Variants in YAP1 observed in about 807,000 individuals in gnomAD.
YAP1 encodes transcriptional coactivator YAP1.
A neutral mutation model predicts 56.9 loss-of-function variants in YAP1; 5 were observed. The ratio of observed to expected loss-of-function variants is 0.09; its 90% CI spans 0.05 to 0.18. The LOEUF is 0.18. Ranked by LOEUF, YAP1 falls within the 10% of genes least tolerant of loss-of-function variation. The pLI is 1.00. For synonymous variants in YAP1, 265 were observed against 248.1 expected, an observed-to-expected ratio of 1.07 and a Z score of -0.64; for missense variants, 539 against 651.8, an observed-to-expected ratio of 0.83 and a Z score of 1.88.
rs1001443448 is a variant in YAP1 at position 102,230,053 on chromosome 11, A to G, written c.*113A>G. 5.8e-6 allele frequency: 5 copies of G among 856,464 alleles called. No individual in the cohort carries two copies. Among genetic ancestry groups the G allele is most frequent in the African/African-American group, 3.4e-5 (2 of 59,138 alleles). 53.1% of individuals were successfully genotyped at this position (856,464 alleles called of 1,614,324 possible). ...AGGCTAATACAGAAAAAGATGAACAAACGTCCAGCAAGATACTTTAATCCT... is the reference window on the plus strand; with the variant it reads ...AGGCTAATACAGAAAAAGATGAACAGACGTCCAGCAAGATACTTTAATCCT... On this transcript the variant is annotated 3_prime_UTR_variant, in exon 9 of 9. Transcript: ENST00000282441.
chr11:102,165,157 G>C (rs1028787096), intron 3 of YAP1, among the ~76,000 whole-genome samples: 6 of 151,654 alleles, frequency 4.0e-5, no homozygotes, highest in Non-Finnish European at 7.4e-5. Context: ...CCAGGAGTTT[G>C]AGACCCGCCT....
intron 4 of YAP1, among the ~76,000 whole-genome samples, chr11:102,186,868 T>A (rs533550001): frequency 7.7e-6 from 1 of 130,716 alleles, no homozygotes; most frequent in Non-Finnish European, 1.7e-5. Flanking sequence ...TTTCAGTTTT[T>A]CATTTGGGTT....
chr11:102,183,278 T>G (rs1490252951), intron 3 of YAP1, among the ~76,000 whole-genome samples: 1 of 152,148 alleles, frequency 6.6e-6, no homozygotes, highest in Non-Finnish European at 1.5e-5. Context: ...GATGGCATGA[T>G]TTTATGGAAA....
intron 3 of YAP1, among the ~76,000 whole-genome samples, chr11:102,176,899 G>A (rs1175285367): frequency 6.6e-6 from 1 of 152,020 alleles, no homozygotes; most frequent in Non-Finnish European, 1.5e-5. Context: ...AAAGACAGGA[G>A]TGAACAAGCC....
chr11:102,162,596 C>T (rs1946355478), intron 3 of YAP1, 25 bp downstream of exon 3: 1 of 1,599,192 alleles, frequency 6.3e-7, no homozygotes, highest in African/African-American at 1.3e-5. Context: ...GTAATTACAG[C>T]ACATGGAGTA....
intron 3 of YAP1, among the ~76,000 whole-genome samples, chr11:102,179,532 T>C (rs1178590425): frequency 6.6e-6 from 1 of 152,182 alleles, no homozygotes; most frequent in Non-Finnish European, 1.5e-5. Flanking sequence ...TAGCAGCCTC[T>C]TCATGCTTGC....
chr11:102,177,548 G>A (rs1041793844), intron 3 of YAP1, among the ~76,000 whole-genome samples: 2 of 151,862 alleles, frequency 1.3e-5, no homozygotes, highest in Non-Finnish European at 2.9e-5. Context: ...GTGGTGGTGA[G>A]GGCCTGTAAT....
chr11:102,128,420 C>T (rs1365606745), intron 2 of YAP1, among the ~76,000 whole-genome samples: 1 of 152,158 alleles, frequency 6.6e-6, no homozygotes, highest in Admixed American at 6.5e-5. Context: ...TTCTCTCTTG[C>T]CACTGCCATG....
intron 2 of YAP1, among the ~76,000 whole-genome samples, chr11:102,144,845 C>T (rs562930384): frequency 1.4e-5 from 2 of 141,606 alleles, no homozygotes; most frequent in Non-Finnish European, 3.1e-5. Flanking sequence ...TTTATCCTAC[C>T]TTTGGCCAAA....
Position 102,114,390 on chromosome 11 carries a change from T to C in YAP1, c.568T>C (p.Leu190=). ...GACATCTTCTGGTCAGAGATACTTC[T>C]TAAAGTAAGTGAAAATAATGGTGGG... is the stretch of plus-strand genomic sequence containing the variant. ...AKTSSGQRYF[L]NHIDQTTTWQ... The change falls in exon 2 of 9, where the codon TTA becomes CTA. Residue 190 remains leucine, a synonymous_variant. Transcript: ENST00000282441. 1 of 1,608,004 alleles carries C rather than the reference T, an allele frequency of 6.2e-7. No individual in the cohort carries two copies. The highest frequency in any genetic ancestry group is 8.5e-7 in the Non-Finnish European group (1 of 1,174,630).
intron 2 of YAP1, among the ~76,000 whole-genome samples, chr11:102,136,099 C>G (rs1347803989): frequency 6.6e-6 from 1 of 152,152 alleles, no homozygotes; most frequent in East Asian, 1.9e-4. Flanking sequence ...CAGGGTATGT[C>G]CAGTGCATGG....
At position 102,121,050 on chromosome 11, in the gene YAP1, C is replaced by T. The variant is rs142071713; in HGVS notation, c.572+6656C>T. On this transcript the variant is annotated intron_variant, in intron 2 of 8. Transcript: ENST00000282441. ...TCCCTCACTCTTATTCCTTCATGTGCGGTAGTCCCTCCCCACCATCCATGA... is the reference window on the plus strand; with the variant it reads ...TCCCTCACTCTTATTCCTTCATGTGTGGTAGTCCCTCCCCACCATCCATGA... Among the ~76,000 whole-genome samples, 139 of 152,112 alleles carry T rather than the reference C, an allele frequency of 9.1e-4. 1 individual carries two copies. The highest frequency in any genetic ancestry group is 3.4e-3 in the Middle Eastern group (1 of 292).
intron 4 of YAP1, among the ~76,000 whole-genome samples, chr11:102,197,078 A>G (rs575003232): frequency 9.0e-4 from 137 of 152,320 alleles, no homozygotes; most frequent in African/African-American, 3.1e-3. Context: ...TTTAAGACCC[A>G]CAGATGGCCT....
At chr11:102,219,559 T>G (rs1405300448) in intron 6 of YAP1, among the ~76,000 whole-genome samples, 1 of 152,086 alleles carries the variant, frequency 6.6e-6, no homozygotes, top group African/African-American at 2.4e-5. Flanking sequence ...TTAAAGTCAC[T>G]TCTCACTTTG....
At chr11:102,214,131 C>T (rs1234029930) in intron 6 of YAP1, among the ~76,000 whole-genome samples, 1 of 152,084 alleles carries the variant, frequency 6.6e-6, no homozygotes, top group Non-Finnish European at 1.5e-5. Flanking sequence ...AACAACACTG[C>T]TGTATAAAGA....
intron 2 of YAP1, among the ~76,000 whole-genome samples, chr11:102,125,589 G>C (rs1049666355): frequency 6.6e-6 from 1 of 151,642 alleles, no homozygotes; most frequent in Non-Finnish European, 1.5e-5. Context: ...ATGTTACCCA[G>C]GCTGGTCTTG....
intron 2 of YAP1, among the ~76,000 whole-genome samples, chr11:102,136,521 G>A (rs1473240474): frequency 6.6e-6 from 1 of 151,524 alleles, no homozygotes; most frequent in African/African-American, 2.4e-5. Flanking sequence ...TTTTGTTTTT[G>A]TTTGTTTTTT....
chr11:102,128,638 G>A (rs1344142819), intron 2 of YAP1, among the ~76,000 whole-genome samples: 1 of 152,194 alleles, frequency 6.6e-6, no homozygotes, highest in Non-Finnish European at 1.5e-5. Context: ...AGTTTTGCTA[G>A]CTTACCTTTT....
At chr11:102,159,000 T>C (rs1205169072) in intron 2 of YAP1, among the ~76,000 whole-genome samples, 5 of 152,262 alleles carry the variant, frequency 3.3e-5, no homozygotes, top group South Asian at 2.1e-4. Flanking sequence ...GACTATCTTA[T>C]GGCTTAAGTA....
Sources: allele counts gnomAD v4.1 joint callset (sites outside exome capture counted in the v4.1 genomes callset), GRCh38; gene constraint gnomAD v4.1.1; transcripts MANE v1.5; gene names NCBI Gene and HGNC (gene_info 2026-07-23, HGNC 2026-07-21).